The following DYM variants were observed in gnomAD, a reference collection of about 807,000 sequenced individuals.
DYM encodes the protein dymeclin.
DYM carries 78 observed loss-of-function variants against 93.1 expected under a neutral mutation model. That is an observed-to-expected ratio of 0.84 (90% CI 0.70 to 1.01). The LOEUF (loss-of-function observed/expected upper bound fraction) is 1.01. DYM is among the 50% of genes least tolerant of loss of function. The pLI is 0.00. For missense variants in DYM, 789 were observed against 845.0 expected (o/e 0.93, Z 0.82); for synonymous variants, 321 against 319.7 (o/e 1.00, Z -0.04).
At chr18:49,356,029 T>C (rs1335211770) in intron 6 of DYM, among the ~76,000 whole-genome samples, 1 of 152,178 alleles carries the variant, frequency 6.6e-6, no homozygotes, top group African/African-American at 2.4e-5. Context: ...TGCATACATA[T>C]ATGACCACTT....
At chr18:49,353,963 T>C (rs1333786225) in intron 6 of DYM, among the ~76,000 whole-genome samples, 3 of 151,898 alleles carry the variant, frequency 2.0e-5, no homozygotes, top group Non-Finnish European at 4.4e-5. Flanking sequence ...AAAAGGCCTA[T>C]AAATATCAAC....
chr18:49,360,393 G>A (rs1230657154), intron 6 of DYM, among the ~76,000 whole-genome samples: 2 of 152,086 alleles, frequency 1.3e-5, no homozygotes, highest in African/African-American at 2.4e-5. Flanking sequence ...GGGAGGCCGA[G>A]GCGGGCAGAT....
At chr18:49,109,848 G>A (rs1181274494) in intron 16 of DYM, among the ~76,000 whole-genome samples, 1 of 152,174 alleles carries the variant, frequency 6.6e-6, no homozygotes, top group African/African-American at 2.4e-5. Flanking sequence ...GACAGTCAGT[G>A]CCTTTGCTCA....
chr18:49,398,697 T>G (rs552861342), intron 2 of DYM, among the ~76,000 whole-genome samples: 1 of 152,214 alleles, frequency 6.6e-6, no homozygotes, highest in East Asian at 1.9e-4. Flanking sequence ...GACACTCCAG[T>G]GTCTTCATCA....
At chr18:49,132,515 A>G (rs1023369115) in intron 15 of DYM, among the ~76,000 whole-genome samples, 3 of 152,144 alleles carry the variant, frequency 2.0e-5, no homozygotes, top group African/African-American at 7.2e-5. Flanking sequence ...TTTATGAGTA[A>G]ACTCCTTTAT....
intron 14 of DYM, among the ~76,000 whole-genome samples, chr18:49,204,502 T>C (rs2092363871): frequency 6.6e-6 from 1 of 152,210 alleles, no homozygotes; most frequent in African/African-American, 2.4e-5. Context: ...GACAAATAGG[T>C]ACTTTCTTAC....
At chr18:49,192,090 G>A (rs1167769052) in intron 14 of DYM, among the ~76,000 whole-genome samples, 1 of 142,248 alleles carries the variant, frequency 7.0e-6, no homozygotes, top group Admixed American at 7.4e-5. Flanking sequence ...CACCATGCCT[G>A]GCTAATTTTT....
At chr18:49,242,070 T>G (rs1050454190) in intron 13 of DYM, among the ~76,000 whole-genome samples, 6 of 152,192 alleles carry the variant, frequency 3.9e-5, no homozygotes, top group African/African-American at 1.4e-4. Context: ...CCACTTGCTC[T>G]CACCCCACCC....
At chr18:49,097,374 C>T in intron 17 of DYM, 28 bp downstream of exon 17, 1 of 1,601,482 alleles carries the variant, frequency 6.2e-7, no homozygotes, top group Non-Finnish European at 8.6e-7. Context: ...ACGGCAGTGT[C>T]AAGTGGACAT....
intron 2 of DYM, among the ~76,000 whole-genome samples, chr18:49,409,713 A>G (rs536464682): frequency 6.6e-6 from 1 of 152,250 alleles, no homozygotes; most frequent in Non-Finnish European, 1.5e-5. Flanking sequence ...CACAATAAAA[A>G]TAAATATATA....
At chr18:49,071,198 T>C (rs1203721649) in intron 17 of DYM, among the ~76,000 whole-genome samples, 2 of 152,232 alleles carry the variant, frequency 1.3e-5, no homozygotes, top group South Asian at 4.1e-4. Flanking sequence ...TGATATTTAT[T>C]TAATGGCAGA....
chr18:49,323,465 G>C (rs538814894), intron 8 of DYM, among the ~76,000 whole-genome samples: 29 of 152,322 alleles, frequency 1.9e-4, no homozygotes, highest in African/African-American at 6.3e-4. Flanking sequence ...TGAAGCCACA[G>C]GTCTCAATGT....
Position 49,432,110 on chromosome 18 carries a change from C to T in DYM, c.-53-1663G>A, listed in dbSNP as rs759267114. Reference sequence around the variant, plus strand: ...CCTGAAGGCCGGGCGCTGTGGCTCACGCCTGTAATCCCAGCACTTTGGGAG... The same window carrying T: ...CCTGAAGGCCGGGCGCTGTGGCTCATGCCTGTAATCCCAGCACTTTGGGAG... On this transcript the variant is annotated intron_variant, in intron 1 of 17. Transcript: ENST00000675505. Among the ~76,000 whole-genome samples the T allele has an allele frequency of 3.9e-5, 6 of 152,198 alleles. No homozygotes were observed. In the East Asian group the frequency reaches 5.8e-4, roughly 15 times the overall value.
chr18:49,110,088 GCCATAC>G (rs1378318139), intron 16 of DYM, among the ~76,000 whole-genome samples: 1 of 152,210 alleles, frequency 6.6e-6, no homozygotes, highest in African/African-American at 2.4e-5. Flanking sequence ...TTGGAACATA[GCCATAC>G]CCACTTGTTT....
chr18:49,267,200 TAAAA>T (rs35559696), intron 11 of DYM, among the ~76,000 whole-genome samples: 1 of 149,132 alleles, frequency 6.7e-6, no homozygotes, highest in Admixed American at 6.7e-5. Flanking sequence ...GGTAACTTTT[TAAAA>T]AAAAAAAAGA....
intron 13 of DYM, among the ~76,000 whole-genome samples, chr18:49,241,515 C>G (rs1483947493): frequency 2.6e-5 from 4 of 152,168 alleles, no homozygotes; most frequent in African/African-American, 9.7e-5. Context: ...GCCCCGAACT[C>G]AATCAGATTC....
chr18:49,228,570 C>T (rs2093608014), intron 13 of DYM, among the ~76,000 whole-genome samples: 1 of 152,132 alleles, frequency 6.6e-6, no homozygotes, highest in African/African-American at 2.4e-5. Flanking sequence ...CATGATTAAT[C>T]TCACAGTTGG....
At chr18:49,330,403 AG>A (rs1461272205) in intron 8 of DYM, among the ~76,000 whole-genome samples, 4 of 152,298 alleles carry the variant, frequency 2.6e-5, no homozygotes, top group Non-Finnish European at 5.9e-5. Flanking sequence ...AGGAAAATTA[AG>A]GGGCTTCCTT....
chr18:49,381,656 G>C (rs2068053119), intron 3 of DYM, among the ~76,000 whole-genome samples: 1 of 152,196 alleles, frequency 6.6e-6, no homozygotes, highest in African/African-American at 2.4e-5. Flanking sequence ...TGTGCACTGA[G>C]ATTCTGCATC....
Sources: gnomAD v4.1 joint callset for allele counts (sites outside exome capture counted in the v4.1 genomes callset) on GRCh38, gnomAD v4.1.1 for gene constraint, MANE v1.5 for transcripts, NCBI Gene and HGNC (gene_info 2026-07-23, HGNC 2026-07-21) for gene names.